Variants in SLC5A4 observed in about 807,000 individuals in gnomAD.
The protein encoded by SLC5A4 is probable glucose sensor protein SLC5A4.
SLC5A4 carries 55 observed loss-of-function variants against 70.3 expected under a neutral mutation model. The observed-to-expected ratio is 0.78, with a 90% CI of 0.63 to 0.98. SLC5A4 has a LOEUF of 0.98. SLC5A4 is among the 50% of genes least tolerant of loss of function. The probability of loss-of-function intolerance (pLI) is 0.00; values close to 1 mark genes in which losing one functional copy is unlikely to be tolerated. For synonymous variants in SLC5A4, 268 were observed against 305.7 expected (o/e 0.88, Z 1.29); for missense variants, 735 against 839.2 (o/e 0.88, Z 1.53).
the SLC5A4 span, among the ~76,000 whole-genome samples, chr22:32,345,988 G>C: frequency 6.6e-6 from 1 of 152,118 alleles, no homozygotes; most frequent in African/African-American, 2.4e-5. Context: ...TACTTTCCAA[G>C]CTACTGGAAA....
chr22:32,322,774 T>C, the SLC5A4 span, among the ~76,000 whole-genome samples: 1 of 152,064 alleles, frequency 6.6e-6, no homozygotes, highest in African/African-American at 2.4e-5. Flanking sequence ...TATTCTCACA[T>C]GCCAAGGGAA....
chr22:32,338,520 C>G, the SLC5A4 span, among the ~76,000 whole-genome samples: 6 of 152,060 alleles, frequency 3.9e-5, no homozygotes, highest in Non-Finnish European at 8.8e-5. Context: ...CAAAAATTAG[C>G]CAGGCGTGGT....
chr22:32,224,515 T>G (rs1162854569), intron 12 of SLC5A4, 33 bp from the exon 13 acceptor site: 2 of 1,514,492 alleles, frequency 1.3e-6, no homozygotes, highest in Admixed American at 3.4e-5. Flanking sequence ...ATCAGAATGT[T>G]TAGAAAATAT....
At chr22:32,326,142 A>C in the SLC5A4 span, among the ~76,000 whole-genome samples, 1 of 152,210 alleles carries the variant, frequency 6.6e-6, no homozygotes, top group Non-Finnish European at 1.5e-5. Flanking sequence ...AAAGCAGAGG[A>C]GTCATGAGGC....
Position 32,248,740 on chromosome 22 carries a change from C to T in SLC5A4, c.372+3G>A, listed in dbSNP as rs753656340. 9.3e-6 allele frequency: 15 copies of T among 1,607,862 alleles called. No individual in the cohort carries two copies. The highest frequency in any genetic ancestry group is 1.2e-5 in the Non-Finnish European group (14 of 1,174,348). ...CTCTGGCATTTTGGTAACAGATACT[C>T]ACCCCCGACTTGATGTAGATAGGGA... On this transcript the variant is annotated splice_donor_region_variant and intron_variant, in intron 4 of 14. Transcript: ENST00000266086.
intron 3 of SLC5A4, among the ~76,000 whole-genome samples, chr22:32,249,801 C>T: frequency 6.6e-6 from 1 of 152,250 alleles, no homozygotes; most frequent in Non-Finnish European, 1.5e-5. Flanking sequence ...ATCACATGTC[C>T]AGCCTTGTGC....
intron 8 of SLC5A4, among the ~76,000 whole-genome samples, chr22:32,234,251 G>A (rs996033162): frequency 1.3e-5 from 2 of 152,194 alleles, no homozygotes; most frequent in African/African-American, 4.8e-5. Context: ...ATGGCTCACA[G>A]ACTGCACACT....
the SLC5A4 span, among the ~76,000 whole-genome samples, chr22:32,300,870 CATT>C: frequency 6.6e-6 from 1 of 152,104 alleles, no homozygotes; most frequent in African/African-American, 2.4e-5. Flanking sequence ...TTGCCATAAA[CATT>C]ATTTACAGGT....
the SLC5A4 span, among the ~76,000 whole-genome samples, chr22:32,339,934 AC>A: frequency 1.3e-5 from 2 of 152,184 alleles, no homozygotes; most frequent in Non-Finnish European, 2.9e-5. Flanking sequence ...GATGGGTGAG[AC>A]CTGCCTTGCA....
the SLC5A4 span, among the ~76,000 whole-genome samples, chr22:32,330,454 G>A: frequency 1.2e-5 from 1 of 84,536 alleles, no homozygotes; most frequent in African/African-American, 4.0e-5. Flanking sequence ...GAGGCTCTGG[G>A]GTGTGTGTGT....
At chr22:32,233,267 A>G (rs1296692608) in intron 8 of SLC5A4, among the ~76,000 whole-genome samples, 1 of 152,214 alleles carries the variant, frequency 6.6e-6, no homozygotes, top group Non-Finnish European at 1.5e-5. Flanking sequence ...ATAATACACA[A>G]TGCAAAACCA....
the SLC5A4 span, among the ~76,000 whole-genome samples, chr22:32,337,049 G>T: frequency 1.3e-5 from 2 of 152,340 alleles, no homozygotes; most frequent in Admixed American, 6.5e-5. Context: ...TCCTTGGGGG[G>T]ACTAAAGACC....
the SLC5A4 span, among the ~76,000 whole-genome samples, chr22:32,308,464 AGTCAGT>A: frequency 3.6e-5 from 4 of 111,268 alleles, no homozygotes; most frequent in South Asian, 9.3e-4. Context: ...CCTGTGGGGG[AGTCAGT>A]GTCAGGCTCA....
chr22:32,239,554 A>ATATATATATT (rs1926321139), intron 5 of SLC5A4, among the ~76,000 whole-genome samples: 85 of 16,652 alleles, frequency 5.1e-3, no homozygotes, highest in Non-Finnish European at 5.6e-3. Flanking sequence ...ATATATATAT[A>ATATATATATT]TATATATATA....
At chr22:32,218,765 T>G (rs781178601) in intron 14 of SLC5A4, 40 bp from the exon 15 acceptor site, 1 of 1,487,986 alleles carries the variant, frequency 6.7e-7, no homozygotes, top group Non-Finnish European at 9.4e-7. Flanking sequence ...AAGATCTAGA[T>G]CACAAAGGAA....
the SLC5A4 span, among the ~76,000 whole-genome samples, chr22:32,330,965 GGGGGC>G: frequency 1.2e-4 from 6 of 50,754 alleles, no homozygotes; most frequent in Non-Finnish European, 1.9e-4. Context: ...TGTGTGTGTT[GGGGGC>G]ACTGGTGTGT....
At chr22:32,227,814 A>G (rs1158566345) in intron 11 of SLC5A4, among the ~76,000 whole-genome samples, 4 of 152,094 alleles carry the variant, frequency 2.6e-5, no homozygotes, top group Non-Finnish European at 5.9e-5. Context: ...GCACGCCTCT[A>G]GTCCCAGCTA....
At chr22:32,324,860 G>A in the SLC5A4 span, among the ~76,000 whole-genome samples, 5 of 152,208 alleles carry the variant, frequency 3.3e-5, no homozygotes, top group East Asian at 1.9e-4. Flanking sequence ...CAGTAGCCCC[G>A]GGAACGCTTC....
chr22:32,247,099 G>A (rs1926874657), intron 5 of SLC5A4, among the ~76,000 whole-genome samples: 1 of 152,174 alleles, frequency 6.6e-6, no homozygotes, highest in African/African-American at 2.4e-5. Context: ...TACTACTAAA[G>A]AGCTGTGTTA....
Sources: gnomAD v4.1 joint callset for allele counts (sites outside exome capture counted in the v4.1 genomes callset) on GRCh38, gnomAD v4.1.1 for gene constraint, MANE v1.5 for transcripts, NCBI Gene and HGNC (gene_info 2026-07-23, HGNC 2026-07-21) for gene names.